The following ARSF variants were observed in gnomAD, a reference collection of about 807,000 sequenced individuals.
ARSF encodes the protein arylsulfatase F.
A neutral mutation model predicts 35.4 loss-of-function variants in ARSF; 33 were observed. The observed-to-expected ratio is 0.93, with a 90% CI of 0.71 to 1.25. ARSF has a LOEUF of 1.25. Among genes scored for constraint, ARSF ranks in the 50% most tolerant of loss-of-function variants. ARSF has a pLI of 0.00. For missense variants in ARSF, 501 were observed against 480.2 expected (o/e 1.04, Z -0.40); for synonymous variants, 222 against 193.1 (o/e 1.15, Z -1.24).
At chrX:3,047,967 G>A (rs1226333960) in intron 1 of ARSF, among the ~76,000 whole-genome samples, 1 of 110,954 alleles carries the variant, frequency 9.0e-6, no homozygotes, top group Non-Finnish European at 1.9e-5. Context: ...TACATGGATG[G>A]TGGCAGGCAA....
At position 3,054,748 on chromosome X, in the gene ARSF, T is replaced by C. The variant is rs777122619; in HGVS notation, c.-29+13085T>C. On this transcript the variant is annotated intron_variant, in intron 1 of 10. Coordinates refer to ENST00000381127, the MANE Select transcript of ARSF (RefSeq NM_001201539.2). ...GCATGAAACTGCTCTCTTTTTTTTT[T>C]TTTTGGTAGAGTTTTGCTGTTGTTG... Among the ~76,000 whole-genome samples the C allele has an allele frequency of 4.6e-5, 5 of 109,440 alleles. No individual in the cohort carries two copies. In the South Asian group the frequency reaches 2.1e-3, roughly 45 times the overall value.
At chrX:3,109,243 C>T (rs1231050766) in intron 9 of ARSF, among the ~76,000 whole-genome samples, 6 of 109,950 alleles carry the variant, frequency 5.5e-5, no homozygotes, top group Non-Finnish European at 5.7e-5. Flanking sequence ...CCCTTGAACC[C>T]GGGAAGCAGA....
intron 7 of ARSF, among the ~76,000 whole-genome samples, chrX:3,089,939 G>T (rs751581959): frequency 8.9e-6 from 1 of 111,855 alleles, no homozygotes; most frequent in African/African-American, 3.3e-5. Context: ...TCTTGTTTTA[G>T]ATTCAGGGAG....
intron 1 of ARSF, among the ~76,000 whole-genome samples, chrX:3,056,695 T>C (rs2090019981): frequency 8.9e-6 from 1 of 111,783 alleles, no homozygotes; most frequent in Non-Finnish European, 1.9e-5. Flanking sequence ...CTGAAACAGA[T>C]GGAGGCAGTG....
chrX:3,086,283 A>G (rs946680499), intron 6 of ARSF, among the ~76,000 whole-genome samples: 3 of 112,358 alleles, frequency 2.7e-5, no homozygotes, highest in African/African-American at 9.7e-5. Flanking sequence ...AGGAATTTAC[A>G]TGAGTACTTG....
intron 1 of ARSF, among the ~76,000 whole-genome samples, chrX:3,051,062 T>C (rs2089995443): frequency 9.0e-6 from 1 of 111,485 alleles, no homozygotes; most frequent in African/African-American, 3.3e-5. Context: ...CTGACATTCC[T>C]GGTGGGGCTG....
intron 6 of ARSF, among the ~76,000 whole-genome samples, 153 bp downstream of exon 6, chrX:3,084,819 A>G (rs1179989398): frequency 8.9e-6 from 1 of 111,915 alleles, no homozygotes; most frequent in Non-Finnish European, 1.9e-5. Context: ...TCTAGAATAA[A>G]GAAAAGACAA....
intron 1 of ARSF, among the ~76,000 whole-genome samples, chrX:3,043,662 T>A (rs2089963908): frequency 9.0e-6 from 1 of 111,620 alleles, no homozygotes; most frequent in Non-Finnish European, 1.9e-5. Flanking sequence ...CGTAATTTTT[T>A]AAAAATTAAT....
upstream of ARSF, among the ~76,000 whole-genome samples, chrX:3,041,073 G>A (rs749263493): frequency 1.0e-4 from 11 of 110,532 alleles, no homozygotes; most frequent in Admixed American, 3.9e-4. Flanking sequence ...TTGTGTAAGC[G>A]GGAAAAGCTT....
intron 9 of ARSF, among the ~76,000 whole-genome samples, 158 bp from the exon 10 acceptor site, chrX:3,109,970 A>G (rs1406753531): frequency 9.0e-6 from 1 of 111,416 alleles, no homozygotes; most frequent in South Asian, 3.8e-4. Context: ...CTGGAGTGTA[A>G]TCTCCCAGAG....
At chrX:3,110,502 G>C (rs1337416425) in intron 10 of ARSF, among the ~76,000 whole-genome samples, 1 of 112,395 alleles carries the variant, frequency 8.9e-6, no homozygotes, top group Admixed American at 9.4e-5. Context: ...ATTGTGCATG[G>C]AAAATCTATG....
chrX:3,112,343 A>G lies in ARSF; in HGVS notation c.1560A>G (p.Thr520=). The change falls in exon 11 of 11, where the codon ACA becomes ACG. Residue 520 remains threonine, a synonymous_variant. Transcript: ENST00000381127. ...SRDPSESTPL[T]PATEPLHDFV... ...ACCCCTCAGAGTCCACACCCCTGACACCTGCCACAGAGCCCCTCCATGATT... is the reference window on the plus strand; with the variant it reads ...ACCCCTCAGAGTCCACACCCCTGACGCCTGCCACAGAGCCCCTCCATGATT... 1.7e-6 allele frequency: 2 copies of G among 1,210,368 alleles called. No individual in the cohort carries two copies. Among genetic ancestry groups the G allele is most frequent in the Non-Finnish European group, 2.2e-6 (2 of 895,213 alleles).
At chrX:3,096,122 A>G (rs2090337048) in intron 7 of ARSF, among the ~76,000 whole-genome samples, 1 of 108,759 alleles carries the variant, frequency 9.2e-6, no homozygotes, top group Admixed American at 1.0e-4. Context: ...TTACATTTAT[A>G]TATTAGCTAT....
intron 4 of ARSF, 62 bp downstream of exon 4, chrX:3,076,731 A>T: frequency 8.5e-7 from 1 of 1,174,088 alleles, no homozygotes; most frequent in Middle Eastern, 2.4e-4. Flanking sequence ...GGAAACAAAA[A>T]TGTGGCTTGA....
chrX:3,099,586 A>T (rs965454919), intron 7 of ARSF, among the ~76,000 whole-genome samples: 9 of 111,842 alleles, frequency 8.0e-5, no homozygotes, highest in Non-Finnish European at 3.8e-5. Context: ...AAGTAAGTGA[A>T]TTAGCCCCAA....
At chrX:3,101,703 AATTCACAT>A (rs1280603976) in intron 8 of ARSF, among the ~76,000 whole-genome samples, 1 of 111,781 alleles carries the variant, frequency 8.9e-6, no homozygotes. Flanking sequence ...TTCATGATTA[AATTCACAT>A]ATACTGATTT....
chrX:3,058,663 G>C (rs756167302), intron 1 of ARSF: 36 of 311,650 alleles, frequency 1.2e-4, no homozygotes, highest in Middle Eastern at 9.5e-4. Flanking sequence ...AACCAGCCTG[G>C]GCAATATAGG....
At chrX:3,053,748 C>T (rs1159173760) in intron 1 of ARSF, among the ~76,000 whole-genome samples, 1 of 103,990 alleles carries the variant, frequency 9.6e-6, no homozygotes, top group Non-Finnish European at 2.0e-5. Context: ...CATGCCACCA[C>T]GCCTGGGTAA....
chrX:3,043,834 C>A (rs1304085488), intron 1 of ARSF, among the ~76,000 whole-genome samples: 2 of 111,111 alleles, frequency 1.8e-5, no homozygotes, highest in East Asian at 5.6e-4. Flanking sequence ...CAGGCTGGAG[C>A]GCAGTGGTGT....
Sources: allele counts gnomAD v4.1 joint callset (sites outside exome capture counted in the v4.1 genomes callset), GRCh38; gene constraint gnomAD v4.1.1; transcripts MANE v1.5; gene names NCBI Gene and HGNC (gene_info 2026-07-23, HGNC 2026-07-21).